COL5A1: variants seen among roughly 807,000 people sequenced by gnomAD.
COL5A1 encodes the protein collagen alpha-1(V) chain.
COL5A1 carries 16 observed loss-of-function variants against 263.7 expected under a neutral mutation model. That is an observed-to-expected ratio of 0.06 (90% confidence interval 0.04 to 0.09). The LOEUF (loss-of-function observed/expected upper bound fraction) is 0.09. Among genes scored for constraint, COL5A1 ranks in the 10% least tolerant of loss-of-function variants. The pLI, the probability that COL5A1 is intolerant of heterozygous loss-of-function variation, is 1.00. For missense variants in COL5A1, 2,036 were observed against 2,540.5 expected, an observed-to-expected ratio of 0.80 and a Z score of 4.27; for synonymous variants, 1,012 against 1,004.5, an observed-to-expected ratio of 1.01 and a Z score of -0.14.
At chr9:134,665,378 A>G (rs1166706153) in intron 1 of COL5A1, among the ~76,000 whole-genome samples, 1 of 152,230 alleles carries the variant, frequency 6.6e-6, no homozygotes, top group East Asian at 1.9e-4. Context: ...AGCTAAGAAG[A>G]TGAAGTTTTC....
At chr9:134,654,747 G>T (rs1436104793) in intron 1 of COL5A1, among the ~76,000 whole-genome samples, 1 of 147,480 alleles carries the variant, frequency 6.8e-6, no homozygotes, top group African/African-American at 2.5e-5. Context: ...GGTGTGTGTA[G>T]GGCTGGTGTG....
chr9:134,725,955 G>A (rs1389443326), intron 4 of COL5A1, among the ~76,000 whole-genome samples: 1 of 152,218 alleles, frequency 6.6e-6, no homozygotes, highest in African/African-American at 2.4e-5. Flanking sequence ...TTTGTTTGGA[G>A]GGTGAACTGA....
chr9:134,836,610 G>T (rs1228413874), intron 65 of COL5A1, among the ~76,000 whole-genome samples: 1 of 152,240 alleles, frequency 6.6e-6, no homozygotes, highest in Non-Finnish European at 1.5e-5. Context: ...AAGCCAGAGG[G>T]TGGTGCCGAC....
At chr9:134,761,853 C>T in intron 18 of COL5A1, 72 bp from the exon 19 acceptor site, 1 of 1,463,482 alleles carries the variant, frequency 6.8e-7, no homozygotes, top group Middle Eastern at 1.7e-4. Flanking sequence ...TAGAGAAAAA[C>T]AAAGTGGGAC....
intron 37 of COL5A1, among the ~76,000 whole-genome samples, chr9:134,801,322 G>A (rs1459593702): frequency 6.6e-6 from 1 of 152,256 alleles, no homozygotes; most frequent in African/African-American, 2.4e-5. Context: ...CAGGTCAGTC[G>A]TCACAGAGCC....
intron 29 of COL5A1, among the ~76,000 whole-genome samples, chr9:134,783,206 G>A (rs1262123337): frequency 6.6e-6 from 1 of 152,230 alleles, no homozygotes; most frequent in Non-Finnish European, 1.5e-5. Flanking sequence ...CCTGGGGAGC[G>A]TCCTGGTCCC....
Position 134,757,408 on chromosome 9 carries a change from G to T in COL5A1, c.1881+590G>T, listed in dbSNP as rs1009540514. ...TGGAAGCATTTGTCCCAGGCCACGG[G>T]GGGCAGGGGAGATACTGACCTTCCG... On this transcript the variant is annotated intron_variant, in intron 17 of 65. Transcript: ENST00000371817. This position sits in a 1 kb window ranked among gnomAD's most constrained non-coding sequence, Gnocchi z 6.2. 6.6e-6 allele frequency among the ~76,000 whole-genome samples: 1 copy of T among 152,160 alleles called. No homozygotes were observed. The highest frequency in any genetic ancestry group is 1.5e-5 in the Non-Finnish European group (1 of 68,032).
chr9:134,648,265 G>C (rs1342704072), intron 1 of COL5A1, among the ~76,000 whole-genome samples: 1 of 149,746 alleles, frequency 6.7e-6, no homozygotes, highest in Non-Finnish European at 1.5e-5. Context: ...TTGTGATTGT[G>C]TAAGTCAGTA....
At position 134,730,370 on chromosome 9, in the gene COL5A1, T is replaced by C; in HGVS notation, c.1059T>C (p.Asp353=). Residue 353 remains aspartate, a synonymous_variant, in exon 7 of 66, where the codon GAT becomes GAC. Coordinates refer to ENST00000371817, the MANE Select transcript of COL5A1 (RefSeq NM_000093.5). The part of the protein sequence containing the change: ...SEDYYTPSPY[D]DLTYGEGEEN... The stretch of plus-strand genomic sequence containing the variant: ...ACTACTACACGCCCTCACCGTATGA[T>C]GACCTCACCTATGGCGAGGGGGAGG... 6.2e-7 allele frequency: 1 copy of C among 1,614,208 alleles called. No homozygotes were observed. Among genetic ancestry groups the C allele is most frequent in the Non-Finnish European group, 8.5e-7 (1 of 1,180,034 alleles).
chr9:134,658,020 G>A (rs569941491), intron 1 of COL5A1, among the ~76,000 whole-genome samples: 3 of 152,062 alleles, frequency 2.0e-5, no homozygotes, highest in Non-Finnish European at 4.4e-5. Flanking sequence ...TGGCTATGGC[G>A]GACTGCACTC....
chr9:134,753,766 G>A (rs1835874238), intron 14 of COL5A1, 84 bp from the exon 15 acceptor site: 4 of 615,304 alleles, frequency 6.5e-6, no homozygotes, highest in East Asian at 3.7e-5. Context: ...CCCTCCCCCT[G>A]CCCCTCCCCT....
At chr9:134,657,812 G>A (rs941964064) in intron 1 of COL5A1, among the ~76,000 whole-genome samples, 1 of 151,868 alleles carries the variant, frequency 6.6e-6, no homozygotes, top group Admixed American at 6.6e-5. Context: ...GGACTCTGAT[G>A]TCTTCTGGGG....
Position 134,824,869 on chromosome 9 carries a change from G to C in COL5A1, c.4954+14G>C, listed in dbSNP as rs1296941301. ...ACTTCCCAGATGGTGAGGGCCTGGG[G>C]GGGCAGGGGTGGCCCCCCAAAGCGG... On this transcript the variant is annotated intron_variant, in intron 62 of 65. Transcript: ENST00000371817. 1 of 1,606,686 alleles carries C rather than the reference G, an allele frequency of 6.2e-7. No homozygotes were observed. The highest frequency in any genetic ancestry group is 8.5e-7 in the Non-Finnish European group (1 of 1,177,790).
At chr9:134,760,351 ACCCC>A (rs1836314991) in intron 18 of COL5A1, among the ~76,000 whole-genome samples, 1 of 58,790 alleles carries the variant, frequency 1.7e-5, no homozygotes, top group African/African-American at 8.8e-5. Context: ...ACCCCCACAC[ACCCC>A]CACACATACA....
chr9:134,750,732 G>A (rs1484925985), intron 12 of COL5A1, 58 bp from the exon 13 acceptor site: 7 of 1,601,748 alleles, frequency 4.4e-6, no homozygotes, highest in East Asian at 4.5e-5. Flanking sequence ...CTCAGTCTGT[G>A]GTCTTGCCTG....
Position 134,842,337 on chromosome 9 carries a change from C to G in COL5A1, c.*34C>G, listed in dbSNP as rs555115616. Reference sequence around the variant, plus strand: ...GAGCCCGGGCTCCCGAGAGCAACCTCGTGACCTCAGCATGCCATTCGTTCG... The same window carrying G: ...GAGCCCGGGCTCCCGAGAGCAACCTGGTGACCTCAGCATGCCATTCGTTCG... On this transcript the variant is annotated 3_prime_UTR_variant, in exon 66 of 66. Transcript: ENST00000371817. This position sits in a 1 kb window ranked among gnomAD's most constrained non-coding sequence, Gnocchi z 5.8. 4.3e-6 allele frequency: 7 copies of G among 1,612,964 alleles called. No homozygotes were observed. In the South Asian group the frequency reaches 5.5e-5, roughly 13 times the overall value.
In COL5A1 at chr9:134,731,574, A is replaced by AACTACTACG; in HGVS notation, c.1246_1254dup (p.Tyr416_Asp418dup). 1 of 1,614,152 alleles carries AACTACTACG rather than the reference A, an allele frequency of 6.2e-7. No homozygotes were observed. The highest frequency in any genetic ancestry group is 2.2e-5 in the East Asian group (1 of 44,864). On this transcript the variant is annotated inframe_insertion, in exon 8 of 66. Transcript: ENST00000371817. ...GGAAACGATCCGGAACCTTGACGAG[A>AACTACTACG]ACTACTACGACCCCTACTACGACCC... is the stretch of plus-strand genomic sequence containing the variant.
intron 63 of COL5A1, among the ~76,000 whole-genome samples, chr9:134,828,882 G>A (rs1588606214): frequency 1.3e-5 from 2 of 149,142 alleles, no homozygotes; most frequent in South Asian, 2.1e-4. Context: ...ATCACACACA[G>A]ACCACACATT....
chr9:134,729,538 G>A (rs1374851299), intron 6 of COL5A1, among the ~76,000 whole-genome samples: 4 of 149,856 alleles, frequency 2.7e-5, no homozygotes, highest in Admixed American at 2.6e-4. Context: ...GTGTGTGCAT[G>A]CGGGCACGGG....
Sources: allele counts gnomAD v4.1 joint callset (sites outside exome capture counted in the v4.1 genomes callset), GRCh38; gene constraint gnomAD v4.1.1; non-coding constraint Gnocchi (gnomAD v3.1); transcripts MANE v1.5; gene names NCBI Gene and HGNC (gene_info 2026-07-23, HGNC 2026-07-21).